DTD1: variants seen among roughly 807,000 people sequenced by gnomAD.
DTD1 encodes the protein D-tyrosyl-tRNA deacylase 1 homolog.
In DTD1, 13 loss-of-function variants were observed where a neutral mutation model predicts 25.6. The ratio of observed to expected loss-of-function variants is 0.51; its 90% CI spans 0.33 to 0.81. DTD1 has a LOEUF of 0.81. Among genes scored for constraint, DTD1 ranks in the 30% least tolerant of loss-of-function variants. The probability of loss-of-function intolerance (pLI) is 0.02; values close to 1 mark genes in which losing one functional copy is unlikely to be tolerated. For missense variants in DTD1, 193 were observed against 266.4 expected, an observed-to-expected ratio of 0.72 and a Z score of 1.92; for synonymous variants, 110 against 103.6, an observed-to-expected ratio of 1.06 and a Z score of -0.37.
chr20:18,649,481 G>A (rs1389321948), intron 4 of DTD1, among the ~76,000 whole-genome samples: 1 of 151,716 alleles, frequency 6.6e-6, no homozygotes, highest in Non-Finnish European at 1.5e-5. Flanking sequence ...TGGCACTACA[G>A]GTGCCTGCCA....
intron 5 of DTD1, among the ~76,000 whole-genome samples, chr20:18,755,135 T>C (rs1313976416): frequency 6.6e-6 from 1 of 152,206 alleles, no homozygotes; most frequent in Non-Finnish European, 1.5e-5. Context: ...CTAAATCATC[T>C]TTCTCATATA....
chr20:18,644,275 G>A (rs1405329921), intron 4 of DTD1, among the ~76,000 whole-genome samples: 1 of 151,994 alleles, frequency 6.6e-6, no homozygotes, highest in Non-Finnish European at 1.5e-5. Flanking sequence ...CCTCACTTTA[G>A]CACATGTTAA....
chr20:18,726,981 G>A (rs906703311), intron 4 of DTD1, among the ~76,000 whole-genome samples: 2 of 152,258 alleles, frequency 1.3e-5, no homozygotes, highest in African/African-American at 4.8e-5. Flanking sequence ...CCAGGCACCT[G>A]TTGGCCTTGG....
At chr20:18,760,187 C>T (rs2061355918) in intron 5 of DTD1, among the ~76,000 whole-genome samples, 1 of 152,158 alleles carries the variant, frequency 6.6e-6, no homozygotes, top group South Asian at 2.1e-4. Context: ...CGAACTTCCT[C>T]CTTTAGCTCG....
intron 2 of DTD1, 65 bp from the exon 3 acceptor site, chr20:18,595,941 G>T (rs542977068): frequency 1.4e-6 from 2 of 1,388,040 alleles, no homozygotes; most frequent in Non-Finnish European, 1.0e-6. Context: ...ACATTTTTGG[G>T]GTATGGAGTG....
intron 4 of DTD1, chr20:18,675,132 A>T (rs2060965452): frequency 6.6e-6 from 1 of 152,180 alleles, no homozygotes; most frequent in Admixed American, 6.5e-5. Context: ...CCCACTACAG[A>T]GGCTGGGAAG....
At chr20:18,693,018 G>T (rs1176675457) in intron 4 of DTD1, among the ~76,000 whole-genome samples, 1 of 150,932 alleles carries the variant, frequency 6.6e-6, no homozygotes, top group Non-Finnish European at 1.5e-5. Flanking sequence ...AGCCTCCCGA[G>T]TAGCTGGGAT....
chr20:18,702,747 A>C (rs1568674698), intron 4 of DTD1, among the ~76,000 whole-genome samples: 1 of 61,944 alleles, frequency 1.6e-5, no homozygotes, highest in Non-Finnish European at 4.2e-5. Flanking sequence ...AATGAGGCAA[A>C]AAAAAAAAAA....
intron 4 of DTD1, among the ~76,000 whole-genome samples, chr20:18,717,818 A>G (rs1222383776): frequency 2.0e-5 from 3 of 152,218 alleles, no homozygotes; most frequent in African/African-American, 7.2e-5. Context: ...AGAACTTCTC[A>G]TTAACCAGCC....
chr20:18,670,520 C>A (rs777654623), intron 4 of DTD1, among the ~76,000 whole-genome samples: 4 of 152,210 alleles, frequency 2.6e-5, no homozygotes, highest in Non-Finnish European at 5.9e-5. Flanking sequence ...TCTTGTTCTG[C>A]AATTAAATTA....
chr20:18,644,091 C>T (rs1226853722), intron 4 of DTD1, among the ~76,000 whole-genome samples: 2 of 151,972 alleles, frequency 1.3e-5, no homozygotes, highest in African/African-American at 2.4e-5. Context: ...TGGAGTTGGT[C>T]GCAATTTTTT....
At chr20:18,695,564 CCCCTCCA>C in intron 4 of DTD1, among the ~76,000 whole-genome samples, 1 of 15,084 alleles carries the variant, frequency 6.6e-5, no homozygotes, top group Non-Finnish European at 1.4e-4. Context: ...CCCTTCTCTT[CCCCTCCA>C]TTCCCCTCCC....
chr20:18,721,165 GCTT>G (rs2047556336), intron 4 of DTD1, among the ~76,000 whole-genome samples: 1 of 152,158 alleles, frequency 6.6e-6, no homozygotes, highest in South Asian at 2.1e-4. Flanking sequence ...TAGAGACAAT[GCTT>G]CTATTGTTTC....
Position 18,762,948 on chromosome 20 carries a change from G to A in DTD1, c.*20-412G>A, listed in dbSNP as rs539797720. On this transcript the variant is annotated intron_variant, in intron 5 of 5. Coordinates refer to ENST00000377452, the MANE Select transcript of DTD1 (RefSeq NM_080820.6). Reference sequence around the variant, plus strand: ...ATTGATTTGATAACCTTTTTCTTTTGTAATATAAGCATTTAATGCTGTGAA... The same window carrying A: ...ATTGATTTGATAACCTTTTTCTTTTATAATATAAGCATTTAATGCTGTGAA... Among the ~76,000 whole-genome samples, 5 of 151,966 alleles carry A rather than the reference G, an allele frequency of 3.3e-5. No homozygotes were observed. The East Asian group carries it at 9.7e-4, about 29-fold the overall frequency.
intron 4 of DTD1, among the ~76,000 whole-genome samples, chr20:18,683,303 G>A (rs6081295): frequency 0.31 from 47,581 of 151,946 alleles, 8,003 homozygotes; most frequent in Non-Finnish European, 0.38. Context: ...ATATTTCTGC[G>A]TGACCATTTC....
chr20:18,628,850 GGAA>G (rs1336942341), intron 4 of DTD1, among the ~76,000 whole-genome samples: 3 of 152,180 alleles, frequency 2.0e-5, no homozygotes, highest in Non-Finnish European at 2.9e-5. Context: ...GGCAGGCAGA[GGAA>G]GAAGGACTGA....
At chr20:18,710,488 T>C (rs137977453) in intron 4 of DTD1, among the ~76,000 whole-genome samples, 2 of 152,354 alleles carry the variant, frequency 1.3e-5, no homozygotes, top group African/African-American at 4.8e-5. Flanking sequence ...ATTACTCTCA[T>C]TCAAATCTTT....
chr20:18,701,479 TTTGCATTATG>T (rs1396035043), intron 4 of DTD1, among the ~76,000 whole-genome samples: 1 of 152,242 alleles, frequency 6.6e-6, no homozygotes, highest in African/African-American at 2.4e-5. Context: ...CAATAGAATT[TTTGCATTATG>T]CCTTTTCTTC....
intron 4 of DTD1, among the ~76,000 whole-genome samples, chr20:18,665,208 G>T (rs1425213213): frequency 6.6e-6 from 1 of 152,154 alleles, no homozygotes; most frequent in African/African-American, 2.4e-5. Context: ...TGAGAGGAAG[G>T]TGGGTTCAGT....
Sources: gnomAD v4.1 joint callset for allele counts (sites outside exome capture counted in the v4.1 genomes callset) on GRCh38, gnomAD v4.1.1 for gene constraint, MANE v1.5 for transcripts, NCBI Gene and HGNC (gene_info 2026-07-23, HGNC 2026-07-21) for gene names.